GRK3: variants seen among roughly 807,000 people sequenced by gnomAD.
GRK3 encodes the protein adrenergic, beta, receptor kinase 2.
Under a neutral mutation model 95.7 loss-of-function variants are expected in GRK3, and 54 were observed. That is an observed-to-expected ratio of 0.56 (90% confidence interval 0.45 to 0.71). The LOEUF (loss-of-function observed/expected upper bound fraction) is 0.71. Ranked by LOEUF, GRK3 falls within the 30% of genes least tolerant of loss-of-function variation. GRK3 has a pLI of 0.00. For missense variants in GRK3, 649 were observed against 851.2 expected, an observed-to-expected ratio of 0.76 and a Z score of 2.96; for synonymous variants, 281 against 290.8, an observed-to-expected ratio of 0.97 and a Z score of 0.34.
At position 25,564,967 on chromosome 22, in the gene GRK3, C is replaced by A; in HGVS notation, c.-74C>A. 1 of 364,962 alleles carries A rather than the reference C, an allele frequency of 2.7e-6. No homozygotes were observed. Among genetic ancestry groups the A allele is most frequent in the Non-Finnish European group, 3.9e-6 (1 of 256,114 alleles). 22.6% of individuals were successfully genotyped at this position (364,962 alleles called of 1,614,324 possible). A position where few individuals can be genotyped will look rare whatever the true frequency, so the allele number is the denominator to read the frequency against. ...GCGGCCCCCCCAGGTCGGGGCGCGGCGGGCGGCGGCGGCGGGCGCGCGTCC... is the reference window on the plus strand; with the variant it reads ...GCGGCCCCCCCAGGTCGGGGCGCGGAGGGCGGCGGCGGCGGGCGCGCGTCC... On this transcript the variant is annotated 5_prime_UTR_variant, in exon 1 of 21. Transcript: ENST00000324198.
intron 2 of GRK3, among the ~76,000 whole-genome samples, chr22:25,614,682 G>A (rs1172771223): frequency 6.6e-6 from 1 of 152,028 alleles, no homozygotes; most frequent in Non-Finnish European, 1.5e-5. Flanking sequence ...AATTTAGTGT[G>A]GAAATTAGCA....
chr22:25,671,883 G>A (rs560026531), intron 6 of GRK3, among the ~76,000 whole-genome samples: 2 of 152,340 alleles, frequency 1.3e-5, no homozygotes, highest in African/African-American at 4.8e-5. Context: ...GCTTTTAAGT[G>A]CAGAATGCAC....
chr22:25,694,980 A>G lies in GRK3; in HGVS notation c.1053-127A>G, dbSNP rs182013670. 176 of 608,928 alleles carry G rather than the reference A, an allele frequency of 2.9e-4. No individual in the cohort carries two copies. In the East Asian group the frequency reaches 4.7e-3, roughly 16 times the overall value. The allele number at this position is 608,928 out of a possible 1,614,324, so 37.7% of individuals were successfully genotyped here. A position where few individuals can be genotyped will look rare whatever the true frequency, so the allele number is the denominator to read the frequency against. On this transcript the variant is annotated intron_variant, in intron 12 of 20. Transcript: ENST00000324198. ...CAGTGCATCACGTTTGCGGTGAAGC[A>G]CAACTGTCCCCTCTCCTTTGTTTAC...
chr22:25,588,074 C>A (rs1932376780), intron 1 of GRK3, among the ~76,000 whole-genome samples: 1 of 152,156 alleles, frequency 6.6e-6, no homozygotes. Context: ...GCTGGGATTA[C>A]AGGTGTGAGC....
intron 1 of GRK3, 119 bp from the exon 2 acceptor site, chr22:25,604,258 C>A: frequency 1.5e-6 from 1 of 667,640 alleles, no homozygotes; most frequent in Non-Finnish European, 2.4e-6. Context: ...GCAGTTGTGG[C>A]AAGAAGGGTC....
At chr22:25,567,407 C>T (rs1931528711) in intron 1 of GRK3, among the ~76,000 whole-genome samples, 2 of 152,204 alleles carry the variant, frequency 1.3e-5, no homozygotes, top group South Asian at 4.1e-4. Flanking sequence ...AAAATTCTCT[C>T]TACCACTGGA....
intron 1 of GRK3, among the ~76,000 whole-genome samples, chr22:25,574,880 T>C (rs1461966190): frequency 6.6e-6 from 1 of 152,222 alleles, no homozygotes; most frequent in African/African-American, 2.4e-5. Flanking sequence ...TTTTGTTCCA[T>C]TTTGGACCTG....
chr22:25,696,206 C>T (rs1433804853), intron 13 of GRK3, among the ~76,000 whole-genome samples: 1 of 152,068 alleles, frequency 6.6e-6, no homozygotes, highest in East Asian at 1.9e-4. Context: ...TCTCGAACTC[C>T]TGGCCTCAAG....
chr22:25,578,702 G>A (rs367561757), intron 1 of GRK3, among the ~76,000 whole-genome samples: 2 of 152,132 alleles, frequency 1.3e-5, no homozygotes, highest in South Asian at 2.1e-4. Flanking sequence ...GCCATGGACC[G>A]AGGAATGTGG....
Position 25,685,210 on chromosome 22 carries a change from C to A in GRK3, c.788C>A (p.Thr263Asn). ...GTATGTATGACCTATGCCTTCCATA[C>A]CCCAGATAAACTCTGCTTCATCCTG... The part of the protein sequence containing the change: ...FIVCMTYAFH[T>N]PDKLCFILDL... The change falls in exon 10 of 21, where the codon ACC (threonine) becomes AAC (asparagine). Residue 263 changes from threonine to asparagine, a missense_variant. Physicochemically the swap from Thr to Asn is moderately conservative, Grantham distance 65 (BLOSUM62 0). Transcript: ENST00000324198. 1 of 1,613,548 alleles carries A rather than the reference C, an allele frequency of 6.2e-7. No individual in the cohort carries two copies. The highest frequency in any genetic ancestry group is 8.5e-7 in the Non-Finnish European group (1 of 1,179,498).
intron 2 of GRK3, among the ~76,000 whole-genome samples, chr22:25,635,681 C>T (rs189984902): frequency 6.6e-6 from 1 of 152,132 alleles, no homozygotes; most frequent in African/African-American, 2.4e-5. Context: ...TTACGTTGTC[C>T]CAAGTCTGAT....
At chr22:25,709,827 GAC>G (rs1015435071) in intron 15 of GRK3, 69 bp from the exon 16 acceptor site, 12 of 1,139,796 alleles carry the variant, frequency 1.1e-5, no homozygotes, top group Admixed American at 1.8e-5. Flanking sequence ...GTTAACAGGA[GAC>G]AGTTTTGCAC....
intron 1 of GRK3, among the ~76,000 whole-genome samples, chr22:25,594,052 T>C (rs567353287): frequency 1.1e-3 from 173 of 152,344 alleles, no homozygotes; most frequent in South Asian, 4.6e-3. Flanking sequence ...TCTAGCTTTG[T>C]TCTTTTTTCT....
chr22:25,681,729 G>GT lies in GRK3; in HGVS notation c.747+2821dup, dbSNP rs532447922. On this transcript the variant is annotated intron_variant, in intron 9 of 20. Transcript: ENST00000324198. Reference sequence around the variant, plus strand: ...GACTTCATGGTCCTGTTTTATCACAGTTTTTTTATGGCGAGTTCCTGCAAA... The same window carrying GT: ...GACTTCATGGTCCTGTTTTATCACAGTTTTTTTTATGGCGAGTTCCTGCAAA... 1.4e-4 allele frequency among the ~76,000 whole-genome samples: 22 copies of GT among 152,278 alleles called. No homozygotes were observed. The East Asian group carries it at 4.1e-3, about 28-fold the overall frequency.
intron 19 of GRK3, among the ~76,000 whole-genome samples, chr22:25,719,934 T>C (rs894024922): frequency 3.3e-5 from 5 of 152,156 alleles, no homozygotes; most frequent in African/African-American, 1.2e-4. Context: ...TCCATTTCTT[T>C]GAAAAGAAAG....
At chr22:25,575,097 A>T (rs1420730934) in intron 1 of GRK3, among the ~76,000 whole-genome samples, 1 of 152,244 alleles carries the variant, frequency 6.6e-6, no homozygotes, top group East Asian at 1.9e-4. Flanking sequence ...TTAGAGTTTC[A>T]TCATTTAGTT....
Position 25,642,091 on chromosome 22 carries a change from A to G in GRK3, c.191-2501A>G, listed in dbSNP as rs1373851829. Among the ~76,000 whole-genome samples the G allele has an allele frequency of 2.6e-5, 4 of 152,388 alleles. No individual in the cohort carries two copies. The East Asian group carries it at 7.7e-4, about 29-fold the overall frequency. On this transcript the variant is annotated intron_variant, in intron 2 of 20. Transcript: ENST00000324198. ...ACATTGAAAAAAGATGAACAAATCT[A>G]CAATTACAAATGGAGAGTTCAACAC...
intron 2 of GRK3, 107 bp from the exon 3 acceptor site, chr22:25,644,482 AAGT>A (rs1390573015): frequency 4.4e-6 from 2 of 458,544 alleles, no homozygotes; most frequent in Admixed American, 4.2e-5. Context: ...TTAAAAAAAA[AAGT>A]AGAGGAGGAA....
chr22:25,694,503 G>A (rs1167201385), intron 12 of GRK3, among the ~76,000 whole-genome samples: 1 of 152,200 alleles, frequency 6.6e-6, no homozygotes, highest in African/African-American at 2.4e-5. Context: ...TTTGCTTAGT[G>A]CTGAGTCCTT....
Sources: allele counts gnomAD v4.1 joint callset (sites outside exome capture counted in the v4.1 genomes callset), GRCh38; gene constraint gnomAD v4.1.1; transcripts MANE v1.5; gene names NCBI Gene and HGNC (gene_info 2026-07-23, HGNC 2026-07-21).